Variants in PRKN observed in about 807,000 individuals in gnomAD.
PRKN encodes E3 ubiquitin-protein ligase parkin.
Under a neutral mutation model 59.5 loss-of-function variants are expected in PRKN, and 56 were observed. The observed-to-expected ratio is 0.94, with a 90% CI of 0.76 to 1.18. The LOEUF (loss-of-function observed/expected upper bound fraction) is 1.18. PRKN is among the 50% of genes most tolerant of loss of function. The pLI is 0.00. For missense variants in PRKN, 657 were observed against 596.4 expected, an observed-to-expected ratio of 1.10 and a Z score of -1.06; for synonymous variants, 250 against 222.1, an observed-to-expected ratio of 1.13 and a Z score of -1.12.
intron 1 of PRKN, among the ~76,000 whole-genome samples, chr6:162,580,348 G>T (rs995668910): frequency 6.6e-6 from 1 of 151,828 alleles, no homozygotes; most frequent in Non-Finnish European, 1.5e-5. Context: ...TGAGGTAGGA[G>T]GATCACATGA....
intron 1 of PRKN, among the ~76,000 whole-genome samples, chr6:162,591,044 T>A (rs1781285222): frequency 6.6e-6 from 1 of 152,016 alleles, no homozygotes; most frequent in South Asian, 2.1e-4. Context: ...AGGAGCCAGA[T>A]TCCTGAATGG....
Position 161,348,424 on chromosome 6 carries a change from G to C in PRKN, c.*1675C>G, listed in dbSNP as rs945120623. The C allele has an allele frequency of 4.5e-6, 1 of 224,098 alleles. No homozygotes were observed. Among genetic ancestry groups the C allele is most frequent in the Non-Finnish European group, 8.9e-6 (1 of 112,370 alleles). 13.9% of individuals were successfully genotyped at this position (224,098 alleles called of 1,614,324 possible). On this transcript the variant is annotated 3_prime_UTR_variant, in exon 12 of 12. Transcript: ENST00000366898. This position sits in a 1 kb window ranked among gnomAD's most constrained non-coding sequence, Gnocchi z 4.9. ...GTCACCGTGGGGCCATGTTGGAGTC[G>C]GTAGATTTTCAGACAGTGAAGCCAC...
chr6:162,110,000 T>A (rs1780353541), intron 4 of PRKN, among the ~76,000 whole-genome samples: 2 of 152,242 alleles, frequency 1.3e-5, no homozygotes, highest in Admixed American at 1.3e-4. Flanking sequence ...TTAACATAAA[T>A]CCTGTGTTTT....
chr6:162,555,981 CAAA>C lies in PRKN; in HGVS notation c.8-112511_8-112509del, dbSNP rs772336975. Among the ~76,000 whole-genome samples the C allele has an allele frequency of 1.0e-4, 9 of 90,366 alleles. No individual in the cohort carries two copies. The East Asian group carries it at 2.9e-3, about 30-fold the overall frequency. The allele number at this position is 90,366 out of a possible 152,430, so 59.3% of individuals were successfully genotyped here. A position where few individuals can be genotyped will look rare whatever the true frequency, so the allele number is the denominator to read the frequency against. On this transcript the variant is annotated intron_variant, in intron 1 of 11. Transcript: ENST00000366898. The stretch of plus-strand genomic sequence containing the variant: ...GGGCAACAAGAGCGAAACTCCATCT[CAAA>C]AAAAAAAAAAAAAAAGTGAGAAAAC...
intron 5 of PRKN, among the ~76,000 whole-genome samples, chr6:162,013,584 CCCCAAGTG>C (rs1349708512): frequency 6.6e-6 from 1 of 152,128 alleles, no homozygotes; most frequent in Non-Finnish European, 1.5e-5. Flanking sequence ...TTTATGACAA[CCCCAAGTG>C]CATAGTGATA....
chr6:161,925,151 G>T (rs1041080762), intron 6 of PRKN, among the ~76,000 whole-genome samples: 1 of 152,112 alleles, frequency 6.6e-6, no homozygotes, highest in African/African-American at 2.4e-5. Context: ...CTTATATAAA[G>T]ATTATGCATA....
chr6:162,178,071 A>G (rs1783623133), intron 4 of PRKN, among the ~76,000 whole-genome samples: 2 of 152,196 alleles, frequency 1.3e-5, no homozygotes, highest in African/African-American at 4.8e-5. Context: ...GGCATTCTCT[A>G]ACACTGACAG....
intron 9 of PRKN, among the ~76,000 whole-genome samples, chr6:161,508,282 C>T (rs975315567): frequency 3.3e-5 from 5 of 152,120 alleles, no homozygotes; most frequent in Admixed American, 3.3e-4. Flanking sequence ...GATTCAAGAC[C>T]TTCTATAAAT....
At chr6:162,540,545 T>C (rs1200235286) in intron 1 of PRKN, among the ~76,000 whole-genome samples, 1 of 152,074 alleles carries the variant, frequency 6.6e-6, no homozygotes, top group Non-Finnish European at 1.5e-5. Flanking sequence ...TGGTGGCTCA[T>C]GTCCGTAAGC....
At chr6:162,249,413 C>T (rs541698540) in intron 3 of PRKN, among the ~76,000 whole-genome samples, 5 of 152,250 alleles carry the variant, frequency 3.3e-5, no homozygotes, top group South Asian at 2.1e-4. Flanking sequence ...TCAAACACAG[C>T]GGCACGCTAG....
intron 7 of PRKN, among the ~76,000 whole-genome samples, chr6:161,750,118 T>TATATATATACACACACAC (rs1269147499): frequency 7.3e-6 from 1 of 137,742 alleles, no homozygotes; most frequent in African/African-American, 2.7e-5. Context: ...TATATATATA[T>TATATATATACACACACAC]ACACACACAC....
In PRKN at chr6:162,393,155, CTTTTTTT is replaced by C. The variant is rs1177332315; in HGVS notation, c.171+50148_171+50154del. On this transcript the variant is annotated intron_variant, in intron 2 of 11. Coordinates refer to ENST00000366898, the MANE Select transcript of PRKN (RefSeq NM_004562.3). ...TGATACTGGGTGAGGATAGGAGATT[CTTTTTTT>C]TTTTTTTTTTTTTTTGAGACAGAGT... Among the ~76,000 whole-genome samples the C allele has an allele frequency of 3.0e-3, 243 of 80,174 alleles. 9 individuals carry two copies. The highest frequency in any genetic ancestry group is 0.011 in the African/African-American group (202 of 18,578). The allele number at this position is 80,174 out of a possible 152,430, so 52.6% of individuals were successfully genotyped here.
intron 6 of PRKN, among the ~76,000 whole-genome samples, chr6:161,847,279 G>T (rs1472874886): frequency 6.6e-6 from 1 of 152,068 alleles, no homozygotes; most frequent in Non-Finnish European, 1.5e-5. Flanking sequence ...CTGTAGTCCA[G>T]CCTGGTGACA....
intron 9 of PRKN, among the ~76,000 whole-genome samples, chr6:161,474,919 A>T (rs1790991599): frequency 6.9e-6 from 1 of 145,626 alleles, no homozygotes; most frequent in African/African-American, 2.6e-5. Context: ...ACTTATTTTT[A>T]TTTTTTGAGA....
intron 1 of PRKN, among the ~76,000 whole-genome samples, chr6:162,623,119 CT>C (rs1227962826): frequency 6.6e-6 from 1 of 152,038 alleles, no homozygotes; most frequent in Non-Finnish European, 1.5e-5. Context: ...GCCTCAACCT[CT>C]TTTTTTTGGA....
intron 7 of PRKN, among the ~76,000 whole-genome samples, chr6:161,719,080 A>C (rs1787111412): frequency 6.6e-6 from 1 of 152,208 alleles, no homozygotes; most frequent in South Asian, 2.1e-4. Flanking sequence ...TCCTTGAAGA[A>C]AAACTAGAAA....
In PRKN at chr6:161,965,202, G is replaced by A. The variant is rs1469470960; in HGVS notation, c.734+8100C>T. On this transcript the variant is annotated intron_variant, in intron 6 of 11. Coordinates refer to ENST00000366898, the MANE Select transcript of PRKN (RefSeq NM_004562.3). ...TCTTTTAAGTCTGCAATCCATTGTGGCATTGCTTCAATAAGCCGAATGAAT... is the reference window on the plus strand; with the variant it reads ...TCTTTTAAGTCTGCAATCCATTGTGACATTGCTTCAATAAGCCGAATGAAT... Among the ~76,000 whole-genome samples the A allele has an allele frequency of 6.6e-5, 10 of 152,032 alleles. No individual in the cohort carries two copies. In the East Asian group the frequency reaches 1.9e-3, roughly 29 times the overall value.
chr6:161,452,240 T>C (rs1789773527), intron 9 of PRKN, among the ~76,000 whole-genome samples: 1 of 152,128 alleles, frequency 6.6e-6, no homozygotes, highest in Non-Finnish European at 1.5e-5. Context: ...CATGAGCCAC[T>C]GCGCCCGGCC....
intron 7 of PRKN, among the ~76,000 whole-genome samples, chr6:161,580,356 C>T (rs1226148762): frequency 6.6e-6 from 1 of 152,162 alleles, no homozygotes; most frequent in Non-Finnish European, 1.5e-5. Flanking sequence ...AGACCTTGAG[C>T]CTTGGTATGC....
Sources: allele counts gnomAD v4.1 joint callset (sites outside exome capture counted in the v4.1 genomes callset), GRCh38; gene constraint gnomAD v4.1.1; non-coding constraint Gnocchi (gnomAD v3.1); transcripts MANE v1.5; gene names NCBI Gene and HGNC (gene_info 2026-07-23, HGNC 2026-07-21).